Variants in FAT3 observed in about 807,000 individuals in gnomAD.
The protein encoded by FAT3 is FAT atypical cadherin 3, also known as protocadherin Fat 3.
Under a neutral mutation model 310.2 loss-of-function variants are expected in FAT3, and 95 were observed. That is an observed-to-expected ratio of 0.31 (90% CI 0.26 to 0.36). FAT3 has a LOEUF of 0.36. Ranked by LOEUF, FAT3 falls within the 10% of genes least tolerant of loss-of-function variation. The pLI is 1.00. For missense variants in FAT3, 5,408 were observed against 5,715.6 expected, an observed-to-expected ratio of 0.95 and a Z score of 1.74; for synonymous variants, 2,314 against 2,192.9, an observed-to-expected ratio of 1.06 and a Z score of -1.54.
chr11:92,629,901 A>G (rs1941491549), intron 3 of FAT3, among the ~76,000 whole-genome samples: 1 of 152,176 alleles, frequency 6.6e-6, no homozygotes, highest in Admixed American at 6.5e-5. Context: ...CTATTAAAAT[A>G]CATATTTGTA....
intron 3 of FAT3, among the ~76,000 whole-genome samples, chr11:92,560,458 T>C (rs1370206200): frequency 6.6e-6 from 1 of 151,112 alleles, no homozygotes; most frequent in Admixed American, 6.7e-5. Flanking sequence ...GGTTTTTTTT[T>C]TATTTGTATT....
intron 4 of FAT3, among the ~76,000 whole-genome samples, chr11:92,705,556 TGTGA>T (rs1944275460): frequency 9.0e-6 from 1 of 110,928 alleles, no homozygotes; most frequent in African/African-American, 3.6e-5. Context: ...ATGGTGGTGG[TGTGA>T]TGGTGGTGGT....
chr11:92,309,744 G>A (rs1947248082), intron 1 of FAT3, among the ~76,000 whole-genome samples: 1 of 152,116 alleles, frequency 6.6e-6, no homozygotes, highest in Non-Finnish European at 1.5e-5. Context: ...TACTGCAGGA[G>A]GAGCCCACTG....
chr11:92,846,026 G>T (rs1948675285), intron 19 of FAT3, among the ~76,000 whole-genome samples: 1 of 152,216 alleles, frequency 6.6e-6, no homozygotes. Context: ...GTAACTCAAA[G>T]CATGCATGCT....
At chr11:92,561,826 A>C (rs1200523105) in intron 3 of FAT3, among the ~76,000 whole-genome samples, 2 of 151,770 alleles carry the variant, frequency 1.3e-5, no homozygotes, top group Admixed American at 1.3e-4. Context: ...GGGTTTCATC[A>C]TGTTGGCCAC....
At chr11:92,531,991 G>A (rs1347011361) in intron 3 of FAT3, among the ~76,000 whole-genome samples, 2 of 152,062 alleles carry the variant, frequency 1.3e-5, no homozygotes, top group Admixed American at 1.3e-4. Context: ...CTAGGGATGG[G>A]AGGAACTGCC....
At chr11:92,255,859 G>A (rs1013585820) in intron 1 of FAT3, among the ~76,000 whole-genome samples, 3 of 152,110 alleles carry the variant, frequency 2.0e-5, no homozygotes, top group African/African-American at 4.8e-5. Context: ...ACACTGTTGC[G>A]AATAGGTAAC....
chr11:92,592,138 G>T (rs542813141), intron 3 of FAT3, among the ~76,000 whole-genome samples: 1 of 152,136 alleles, frequency 6.6e-6, no homozygotes, highest in Admixed American at 6.6e-5. Flanking sequence ...TGTAACTTAT[G>T]CTCAGTTTTT....
intron 1 of FAT3, among the ~76,000 whole-genome samples, chr11:92,308,856 A>G (rs1046882217): frequency 6.7e-6 from 1 of 148,762 alleles, no homozygotes; most frequent in Non-Finnish European, 1.5e-5. Context: ...CAAAGGAAAT[A>G]AAAAAAAAAT....
At chr11:92,343,659 G>C (rs985784643) in intron 1 of FAT3, among the ~76,000 whole-genome samples, 1 of 152,100 alleles carries the variant, frequency 6.6e-6, no homozygotes, top group Admixed American at 6.6e-5. Flanking sequence ...TTTCTAGTGG[G>C]AAAAAAGTTT....
intron 1 of FAT3, among the ~76,000 whole-genome samples, chr11:92,329,609 T>C (rs1187885625): frequency 6.6e-6 from 1 of 150,798 alleles, no homozygotes; most frequent in East Asian, 2.0e-4. Context: ...CATCTTTTTA[T>C]AGAATTTTTT....
chr11:92,753,773 GGTGTGTGT>G (rs145467493), intron 4 of FAT3, among the ~76,000 whole-genome samples: 1 of 128,166 alleles, frequency 7.8e-6, no homozygotes, highest in Non-Finnish European at 1.6e-5. Context: ...AAGAAACTGT[GGTGTGTGT>G]GTGTGTGTGT....
intron 2 of FAT3, among the ~76,000 whole-genome samples, chr11:92,519,919 G>A (rs1187643589): frequency 1.3e-5 from 2 of 152,112 alleles, no homozygotes; most frequent in African/African-American, 4.8e-5. Flanking sequence ...CACATTCACT[G>A]CCAGTGGGAA....
intron 2 of FAT3, among the ~76,000 whole-genome samples, chr11:92,477,949 C>A (rs1308075562): frequency 6.6e-6 from 1 of 152,154 alleles, no homozygotes; most frequent in Non-Finnish European, 1.5e-5. Flanking sequence ...GTAATACTGT[C>A]CCAGGTGATA....
At chr11:92,377,952 A>G (rs1468832639) in intron 2 of FAT3, among the ~76,000 whole-genome samples, 2 of 152,196 alleles carry the variant, frequency 1.3e-5, no homozygotes, top group Non-Finnish European at 2.9e-5. Context: ...TTTGTGGTTC[A>G]AAGCTTTGAA....
At chr11:92,603,314 C>A (rs1227157198) in intron 3 of FAT3, among the ~76,000 whole-genome samples, 1 of 152,110 alleles carries the variant, frequency 6.6e-6, no homozygotes, top group Non-Finnish European at 1.5e-5. Flanking sequence ...TTTGGAGAAA[C>A]TAGATTGTAT....
chr11:92,604,102 G>A (rs1940162062), intron 3 of FAT3, among the ~76,000 whole-genome samples: 2 of 152,268 alleles, frequency 1.3e-5, no homozygotes, highest in South Asian at 4.2e-4. Flanking sequence ...GTGTTCAAGG[G>A]TTCTGTTTTC....
At chr11:92,637,661 A>G (rs1384573219) in intron 3 of FAT3, among the ~76,000 whole-genome samples, 1 of 152,206 alleles carries the variant, frequency 6.6e-6, no homozygotes, top group Non-Finnish European at 1.5e-5. Context: ...TAAGAACTAT[A>G]GTAACTTCAT....
At chr11:92,820,206 T>G (rs1344903805) in intron 13 of FAT3, among the ~76,000 whole-genome samples, 1 of 152,180 alleles carries the variant, frequency 6.6e-6, no homozygotes, top group African/African-American at 2.4e-5. Flanking sequence ...TCTGGGAATT[T>G]AAGTTCAGGG....
Sources: gnomAD v4.1 joint callset for allele counts (sites outside exome capture counted in the v4.1 genomes callset) on GRCh38, gnomAD v4.1.1 for gene constraint, MANE v1.5 for transcripts, NCBI Gene and HGNC (gene_info 2026-07-23, HGNC 2026-07-21) for gene names.